Variants in GRIK4 observed in about 807,000 individuals in gnomAD.
GRIK4 encodes the protein glutamate receptor ionotropic, kainate 4.
A neutral mutation model predicts 104.9 loss-of-function variants in GRIK4; 40 were observed. The observed-to-expected ratio is 0.38, with a 90% CI of 0.30 to 0.50. The LOEUF is 0.50. Ranked by LOEUF, GRIK4 falls within the 20% of genes least tolerant of loss-of-function variation. GRIK4 has a pLI of 0.93. For synonymous variants in GRIK4, 485 were observed against 524.9 expected (o/e 0.92, Z 1.04); for missense variants, 1,047 against 1,308.1 (o/e 0.80, Z 3.08).
intron 3 of GRIK4, among the ~76,000 whole-genome samples, chr11:120,759,882 T>C (rs1022494975): frequency 7.2e-5 from 11 of 152,060 alleles, no homozygotes; most frequent in African/African-American, 2.4e-4. Context: ...TACAACATGA[T>C]GTTAGGGGAT....
Position 120,819,413 on chromosome 11 carries a change from GTC to G in GRIK4, c.346-336_346-335del, listed in dbSNP as rs1291440443. Among the ~76,000 whole-genome samples the G allele has an allele frequency of 6.6e-6, 1 of 152,216 alleles. No individual in the cohort carries two copies. The highest frequency in any genetic ancestry group is 1.5e-5 in the Non-Finnish European group (1 of 68,040). ...AGGATTATGCTTTCAAGAGCCAACT[GTC>G]TCTCTGCCAGCAGCAGGCAGTTCCT... On this transcript the variant is annotated intron_variant, in intron 5 of 20. Coordinates refer to ENST00000527524, the MANE Select transcript of GRIK4 (RefSeq NM_014619.5). This position sits in a 1 kb window ranked among gnomAD's most constrained non-coding sequence, Gnocchi z 4.3.
chr11:120,881,168 G>A (rs183169572), intron 11 of GRIK4, among the ~76,000 whole-genome samples: 9 of 152,342 alleles, frequency 5.9e-5, no homozygotes, highest in Admixed American at 3.9e-4. Flanking sequence ...GCACAGAGCT[G>A]AGAGCACTGG....
intron 12 of GRIK4, among the ~76,000 whole-genome samples, chr11:120,901,946 A>G (rs1469764962): frequency 6.6e-6 from 1 of 152,110 alleles, no homozygotes; most frequent in Non-Finnish European, 1.5e-5. Context: ...GGTAAGTACA[A>G]CTCAAACAAC....
intron 1 of GRIK4, among the ~76,000 whole-genome samples, chr11:120,622,864 G>A (rs1295690327): frequency 6.6e-6 from 1 of 152,152 alleles, no homozygotes; most frequent in South Asian, 2.1e-4. Flanking sequence ...TCTGTCCTAC[G>A]GATACATGTG....
intron 7 of GRIK4, among the ~76,000 whole-genome samples, chr11:120,834,331 G>T (rs1022808762): frequency 1.3e-5 from 2 of 150,776 alleles, no homozygotes; most frequent in African/African-American, 4.9e-5. Context: ...TCTGCCTGTA[G>T]TGTAGTGATC....
At chr11:120,881,255 A>T (rs915876547) in intron 11 of GRIK4, among the ~76,000 whole-genome samples, 4 of 152,234 alleles carry the variant, frequency 2.6e-5, no homozygotes, top group African/African-American at 9.6e-5. Flanking sequence ...TTTGTTTTCC[A>T]ATTTTTTTAT....
At chr11:120,955,175 GC>G (rs1182198466) in intron 15 of GRIK4, among the ~76,000 whole-genome samples, 1 of 152,194 alleles carries the variant, frequency 6.6e-6, no homozygotes, top group Non-Finnish European at 1.5e-5. Flanking sequence ...TAGGGGAAGG[GC>G]CTGAGAATCT....
intron 8 of GRIK4, among the ~76,000 whole-genome samples, chr11:120,857,137 A>G (rs992470611): frequency 3.9e-5 from 6 of 152,116 alleles, no homozygotes; most frequent in Non-Finnish European, 7.4e-5. Context: ...ATCCTCCAAC[A>G]AAACTACCTG....
At chr11:120,744,504 T>C (rs1951403570) in intron 3 of GRIK4, among the ~76,000 whole-genome samples, 2 of 152,232 alleles carry the variant, frequency 1.3e-5, no homozygotes, top group African/African-American at 4.8e-5. Flanking sequence ...TAATGTTGAC[T>C]GCCATTCACC....
chr11:120,964,819 G>T (rs1226785722), intron 18 of GRIK4, among the ~76,000 whole-genome samples: 2 of 152,220 alleles, frequency 1.3e-5, no homozygotes, highest in Non-Finnish European at 2.9e-5. Context: ...ACAGAACTCA[G>T]ATTCAGAGCA....
At chr11:120,528,345 T>G (rs1479604935) in intron 1 of GRIK4, among the ~76,000 whole-genome samples, 2 of 152,004 alleles carry the variant, frequency 1.3e-5, no homozygotes, top group Non-Finnish European at 2.9e-5. Context: ...TCTCCTGACC[T>G]CATGATCTGC....
At chr11:120,823,892 AG>A (rs1202778519) in intron 6 of GRIK4, among the ~76,000 whole-genome samples, 1 of 152,204 alleles carries the variant, frequency 6.6e-6, no homozygotes, top group Non-Finnish European at 1.5e-5. Context: ...CCCACCCTCC[AG>A]GGCCAGAGCA....
At chr11:120,687,452 T>C (rs1045071641) in intron 3 of GRIK4, among the ~76,000 whole-genome samples, 1 of 152,260 alleles carries the variant, frequency 6.6e-6, no homozygotes, top group East Asian at 1.9e-4. Context: ...TCCATTTTTT[T>C]GGAATACATT....
intron 3 of GRIK4, among the ~76,000 whole-genome samples, chr11:120,775,262 TACAC>T (rs1294585182): frequency 1.3e-5 from 2 of 152,276 alleles, no homozygotes; most frequent in African/African-American, 4.8e-5. Context: ...TCTGGACTCA[TACAC>T]ATGAAATGGC....
At chr11:120,930,004 G>GGT (rs1555096696) in intron 13 of GRIK4, among the ~76,000 whole-genome samples, 17 of 145,728 alleles carry the variant, frequency 1.2e-4, no homozygotes, top group African/African-American at 4.6e-4. Context: ...GCCACGTTTG[G>GGT]GGGGGGGGTC....
chr11:120,782,687 G>C (rs953372834), intron 3 of GRIK4, among the ~76,000 whole-genome samples: 6 of 152,154 alleles, frequency 3.9e-5, no homozygotes. Context: ...GATTCCTCCC[G>C]TGGCTATGTG....
At chr11:120,673,181 C>T (rs1433276774) in intron 3 of GRIK4, among the ~76,000 whole-genome samples, 1 of 152,206 alleles carries the variant, frequency 6.6e-6, no homozygotes, top group Non-Finnish European at 1.5e-5. Flanking sequence ...TGAGTCCTCC[C>T]ATGGGGAAAA....
At position 120,679,880 on chromosome 11, in the gene GRIK4, C is replaced by T. The variant is rs150656827; in HGVS notation, c.82+19480C>T. ...ACATCGTTCCCATCCCTATCCCTAC[C>T]GTAAACACTCAATACCCATGAATTC... On this transcript the variant is annotated intron_variant, in intron 3 of 20. Coordinates refer to ENST00000527524, the MANE Select transcript of GRIK4 (RefSeq NM_014619.5). Among the ~76,000 whole-genome samples the T allele has an allele frequency of 1.4e-4, 22 of 152,284 alleles. No individual in the cohort carries two copies. In the East Asian group the frequency reaches 3.9e-3, roughly 27 times the overall value.
chr11:120,816,216 C>T (rs1396145178), intron 5 of GRIK4, among the ~76,000 whole-genome samples: 1 of 152,166 alleles, frequency 6.6e-6, no homozygotes, highest in African/African-American at 2.4e-5. Context: ...CTCAGAAATT[C>T]AGAGATTCTG....
Sources: allele counts gnomAD v4.1 joint callset (sites outside exome capture counted in the v4.1 genomes callset), GRCh38; gene constraint gnomAD v4.1.1; non-coding constraint Gnocchi (gnomAD v3.1); transcripts MANE v1.5; gene names NCBI Gene and HGNC (gene_info 2026-07-23, HGNC 2026-07-21).